Variants in CHD5 observed in about 807,000 individuals in gnomAD.
CHD5 encodes ATP-dependent chromatin remodeler CHD5.
In CHD5, 69 loss-of-function variants were observed where a neutral mutation model predicts 230.3. The ratio of observed to expected loss-of-function variants is 0.30; its 90% CI spans 0.25 to 0.37. The LOEUF (loss-of-function observed/expected upper bound fraction) is 0.37, where lower values mean the gene tolerates loss of function less well. Among genes scored for constraint, CHD5 ranks in the 10% least tolerant of loss-of-function variants. The pLI, the probability that CHD5 is intolerant of heterozygous loss-of-function variation, is 1.00. For synonymous variants in CHD5, 1,064 were observed against 1,065.9 expected, an observed-to-expected ratio of 1.00 and a Z score of 0.03; for missense variants, 1,827 against 2,622.8, an observed-to-expected ratio of 0.70 and a Z score of 6.63.
rs533166572 is a variant in CHD5, at chr1:6,131,023, C to CA, written c.3262+607dup. ...TTTGGGCGTTTGGAGAGCGTGGCCC[C>CA]AGCCCCTAAGGGCTGACGCCCCAGG... On this transcript the variant is annotated intron_variant, in intron 21 of 41. Transcript: ENST00000262450. The surrounding 1 kb of genome is among the most constrained non-coding windows in gnomAD (Gnocchi z 5.0). 9.8e-5 allele frequency among the ~76,000 whole-genome samples: 15 copies of CA among 152,386 alleles called. No individual in the cohort carries two copies. Among genetic ancestry groups the CA allele is most frequent in the African/African-American group, 3.4e-4 (14 of 41,594 alleles).
intron 1 of CHD5, among the ~76,000 whole-genome samples, chr1:6,170,825 A>C (rs1667326402): frequency 6.6e-6 from 1 of 152,180 alleles, no homozygotes; most frequent in African/African-American, 2.4e-5. Flanking sequence ...CGTCCTGCAG[A>C]GCAGGTGTCG....
In CHD5 at chr1:6,110,376, GC is replaced by G. The variant is rs1666267323; in HGVS notation, c.5382+17del. 1 of 1,613,628 alleles carries G rather than the reference GC, an allele frequency of 6.2e-7. No individual in the cohort carries two copies. The highest frequency in any genetic ancestry group is 2.2e-5 in the East Asian group (1 of 44,886). ...TCCCTCCCTGCCCCGTGCAGCCCTG[GC>G]CCTTCAGAAGACAGACCTTAAACCT... On this transcript the variant is annotated intron_variant, in intron 37 of 41. Transcript: ENST00000262450.
At chr1:6,113,593 G>A (rs1229608881) in intron 33 of CHD5, among the ~76,000 whole-genome samples, 1 of 152,208 alleles carries the variant, frequency 6.6e-6, no homozygotes, top group Non-Finnish European at 1.5e-5. Context: ...ACTTGGAGCT[G>A]TGTCTCAGCA....
Position 6,135,285 on chromosome 1 carries a change from T to C in CHD5, c.2815A>G (p.Asn939Asp). 1 of 1,614,148 alleles carries C rather than the reference T, an allele frequency of 6.2e-7. No homozygotes were observed. Among genetic ancestry groups the C allele is most frequent in the Non-Finnish European group, 8.5e-7 (1 of 1,180,042 alleles). The stretch of plus-strand genomic sequence containing the variant: ...ATGAGCTCGGTCTTGGCCGGCATGT[T>C]CTTGAACACGTCAGCCTTGAGCCGC... Reference protein sequence around the residue: ...LRRLKADVFKNMPAKTELIVR... With the variant: ...LRRLKADVFKDMPAKTELIVR... Residue 939 changes from asparagine (N) to aspartate (D), a missense_variant, in exon 18 of 42, where the codon AAC becomes GAC. Physicochemically the swap from Asn to Asp is conservative, Grantham distance 23 (BLOSUM62 1). Around this residue, in one of 14 missense-constraint regions of CHD5, gnomAD observed 52 missense variants for 164.5 expected, o/e 0.32. Transcript: ENST00000262450.
chr1:6,107,328 G>A (rs1666198083), intron 38 of CHD5, among the ~76,000 whole-genome samples: 1 of 142,136 alleles, frequency 7.0e-6, no homozygotes, highest in African/African-American at 2.7e-5. Context: ...AAGGATGATG[G>A]TTGGATGTTG....
intron 29 of CHD5, 148 bp downstream of exon 29, chr1:6,124,952 A>G (rs1666530503): frequency 1.2e-6 from 1 of 855,866 alleles, no homozygotes; most frequent in Non-Finnish European, 1.7e-6. Flanking sequence ...CCAGGACTCT[A>G]GCCACCCAAA....
intron 33 of CHD5, among the ~76,000 whole-genome samples, chr1:6,115,524 C>T (rs754210353): frequency 2.6e-5 from 4 of 152,110 alleles, no homozygotes; most frequent in African/African-American, 9.7e-5. Context: ...GTCAAGGATG[C>T]GAAGCACGGG....
chr1:6,112,037 C>A, intron 35 of CHD5, 103 bp downstream of exon 35: 2 of 1,448,376 alleles, frequency 1.4e-6, no homozygotes, highest in Non-Finnish European at 1.9e-6. Context: ...GATGGACTTC[C>A]ATCAACCAGT....
chr1:6,122,652 C>T (rs758140662), intron 31 of CHD5, among the ~76,000 whole-genome samples: 6 of 152,216 alleles, frequency 3.9e-5, no homozygotes, highest in African/African-American at 4.8e-5. Context: ...CAAAAGAACT[C>T]AAAACGTATG....
intron 3 of CHD5, among the ~76,000 whole-genome samples, chr1:6,156,674 T>C (rs1571165382): frequency 6.6e-6 from 1 of 151,946 alleles, no homozygotes; most frequent in East Asian, 1.9e-4. Flanking sequence ...CATGGGACAA[T>C]GGGCCAGCTG....
intron 1 of CHD5, among the ~76,000 whole-genome samples, chr1:6,179,302 C>T (rs1173705080): frequency 6.6e-6 from 1 of 152,146 alleles, no homozygotes; most frequent in African/African-American, 2.4e-5. Flanking sequence ...ACGCCGGCGG[C>T]CCGGGTAAAG....
chr1:6,125,116 T>C lies in CHD5; in HGVS notation c.4378A>G (p.Ser1460Gly). 2 of 1,596,114 alleles carry C rather than the reference T, an allele frequency of 1.3e-6. No individual in the cohort carries two copies. The highest frequency in any genetic ancestry group is 1.1e-5 in the South Asian group (1 of 88,100). Residue 1460 changes from serine to glycine, a missense_variant, in exon 29 of 42, where the codon AGC becomes GGC. This residue lies in a region of CHD5 where 108 missense variants were observed against 152.4 expected (regional missense o/e 0.71). Coordinates refer to ENST00000262450, the MANE Select transcript of CHD5 (RefSeq NM_015557.3). This position sits in a 1 kb window ranked among gnomAD's most constrained non-coding sequence, Gnocchi z 6.7. ...HWLVRDLRGK[S>G]EKEFRAYVSL... ...CCCCTTTACCTAAACTCCTTCTCGC[T>C]CTTCCCTCGAAGGTCCCGCACCAGC...
chr1:6,147,455 C>T (rs1666929274), intron 9 of CHD5, among the ~76,000 whole-genome samples: 1 of 152,188 alleles, frequency 6.6e-6, no homozygotes, highest in Non-Finnish European at 1.5e-5. Flanking sequence ...ACTGCAGGGG[C>T]CCTGACAGAT....
intron 38 of CHD5, among the ~76,000 whole-genome samples, chr1:6,108,303 G>A (rs1372048125): frequency 2.0e-5 from 3 of 147,638 alleles, no homozygotes; most frequent in Non-Finnish European, 1.5e-5. Flanking sequence ...ATGATAGAGG[G>A]AAGATGGAGA....
In CHD5 at chr1:6,121,289, G is replaced by A. The variant is rs918214849; in HGVS notation, c.4780-52C>T. On this transcript the variant is annotated intron_variant, in intron 32 of 41. Transcript: ENST00000262450. This position sits in a 1 kb window ranked among gnomAD's most constrained non-coding sequence, Gnocchi z 4.5. ...CAAGGCCTGGGGCCTCACCAGGAAC[G>A]GAGGGCGGGGAACGTGCGCTGGGCT... The A allele has an allele frequency of 8.2e-6, 13 of 1,584,438 alleles. No individual in the cohort carries two copies. The Middle Eastern group carries it at 5.1e-4, about 62-fold the overall frequency.
intron 39 of CHD5, 53 bp downstream of exon 39, chr1:6,106,563 C>A (rs1666171338): frequency 6.5e-7 from 1 of 1,550,188 alleles, no homozygotes; most frequent in Non-Finnish European, 8.7e-7. Context: ...ACCCAGCCTC[C>A]ACCCAGGGGC....
chr1:6,164,876 AAG>A (rs1269199325), intron 2 of CHD5, among the ~76,000 whole-genome samples: 2 of 152,084 alleles, frequency 1.3e-5, no homozygotes, highest in African/African-American at 2.4e-5. Flanking sequence ...GAGCAAATCA[AAG>A]AGAGGGAGAG....
At chr1:6,179,921 C>G in intron 1 of CHD5, 24 bp downstream of exon 1, 3 of 1,265,904 alleles carry the variant, frequency 2.4e-6, no homozygotes, top group Non-Finnish European at 3.1e-6. Flanking sequence ...GCTCTGGCCC[C>G]AGGCGCACCC....
chr1:6,130,392 A>G lies in CHD5; in HGVS notation c.3263-64T>C. Reference sequence around the variant, plus strand: ...GGTACACCTTGGGTGGGCAGAAAGGATGGGGGAGAGAACAGAGAGAAGGAA... The same window carrying G: ...GGTACACCTTGGGTGGGCAGAAAGGGTGGGGGAGAGAACAGAGAGAAGGAA... On this transcript the variant is annotated intron_variant, in intron 21 of 41. Coordinates refer to ENST00000262450, the MANE Select transcript of CHD5 (RefSeq NM_015557.3). The surrounding 1 kb of genome is among the most constrained non-coding windows in gnomAD (Gnocchi z 4.9). 1 of 1,467,412 alleles carries G rather than the reference A, an allele frequency of 6.8e-7. No homozygotes were observed. The highest frequency in any genetic ancestry group is 1.2e-5 in the South Asian group (1 of 86,294). The allele number at this position is 1,467,412 out of a possible 1,614,324, so 90.9% of individuals were successfully genotyped here.
Sources: gnomAD v4.1 joint callset for allele counts (sites outside exome capture counted in the v4.1 genomes callset) on GRCh38, gnomAD v4.1.1 for gene constraint, gnomAD v4.1.1 regional missense constraint, Gnocchi (gnomAD v3.1) non-coding constraint, MANE v1.5 for transcripts, NCBI Gene and HGNC (gene_info 2026-07-23, HGNC 2026-07-21) for gene names.